Variants in UBE2E1 observed in about 807,000 individuals in gnomAD.
UBE2E1 encodes ubiquitin conjugating enzyme E2 E1.
Under a neutral mutation model 21.4 loss-of-function variants are expected in UBE2E1, and 6 were observed. The observed-to-expected ratio is 0.28, with a 90% CI of 0.15 to 0.55. UBE2E1 has a LOEUF of 0.55. Ranked by LOEUF, UBE2E1 falls within the 20% of genes least tolerant of loss-of-function variation. The probability of loss-of-function intolerance (pLI) is 0.93; values close to 1 mark genes in which losing one functional copy is unlikely to be tolerated. For synonymous variants in UBE2E1, 87 were observed against 82.7 expected (o/e 1.05, Z -0.28); for missense variants, 142 against 236.5 (o/e 0.60, Z 2.62).
At chr3:23,890,423 A>T in intron 5 of UBE2E1, 86 bp from the exon 6 acceptor site, 1 of 1,268,966 alleles carries the variant, frequency 7.9e-7, no homozygotes. Context: ...ACTTTGTCGT[A>T]CGTATCTACC....
chr3:23,878,612 G>A (rs1223551008), intron 3 of UBE2E1, among the ~76,000 whole-genome samples: 1 of 152,204 alleles, frequency 6.6e-6, no homozygotes, highest in Non-Finnish European at 1.5e-5. Flanking sequence ...CCTCCTGTCA[G>A]CTCAGATCAG....
chr3:23,868,706 G>C (rs1700710293), intron 3 of UBE2E1, among the ~76,000 whole-genome samples: 1 of 151,414 alleles, frequency 6.6e-6, no homozygotes, highest in South Asian at 2.1e-4. Context: ...AAATTGGGAA[G>C]TAAACACAGT....
At chr3:23,822,849 C>T (rs1247053878) in intron 3 of UBE2E1, among the ~76,000 whole-genome samples, 7 of 146,616 alleles carry the variant, frequency 4.8e-5, no homozygotes, top group African/African-American at 1.3e-4. Flanking sequence ...CCCCAACCCC[C>T]GCCACCGCCC....
intron 5 of UBE2E1, 74 bp from the exon 6 acceptor site, chr3:23,890,435 A>C (rs1020561192): frequency 6.9e-7 from 1 of 1,440,200 alleles, no homozygotes; most frequent in African/African-American, 1.4e-5. Context: ...GTATCTACCC[A>C]AGCTGTCACT....
rs1332204614 is a variant in UBE2E1 at position 23,807,267 on chromosome 3, G to C, written c.-3G>C. 6.2e-7 allele frequency: 1 copy of C among 1,610,684 alleles called. No individual in the cohort carries two copies. The highest frequency in any genetic ancestry group is 1.1e-5 in the South Asian group (1 of 90,816). Reference sequence around the variant, plus strand: ...GTTTGCGGGGTGGGGTGGGGGGTTCGCTATGTCGGATGACGATTCGAGGGC... The same window carrying C: ...GTTTGCGGGGTGGGGTGGGGGGTTCCCTATGTCGGATGACGATTCGAGGGC... On this transcript the variant is annotated 5_prime_UTR_variant, in exon 2 of 6. Coordinates refer to ENST00000306627, the MANE Select transcript of UBE2E1 (RefSeq NM_003341.5).
chr3:23,881,782 T>A (rs558190070), intron 3 of UBE2E1, among the ~76,000 whole-genome samples: 1 of 152,200 alleles, frequency 6.6e-6, no homozygotes, highest in African/African-American at 2.4e-5. Context: ...TAACAGTTCT[T>A]AAAGATGGTG....
At chr3:23,882,868 G>A (rs901568481) in intron 3 of UBE2E1, among the ~76,000 whole-genome samples, 1 of 152,186 alleles carries the variant, frequency 6.6e-6, no homozygotes, top group East Asian at 1.9e-4. Context: ...CGGAACTCTC[G>A]CTGTTCCATG....
At chr3:23,883,162 G>T (rs1423450934) in intron 3 of UBE2E1, among the ~76,000 whole-genome samples, 1 of 152,178 alleles carries the variant, frequency 6.6e-6, no homozygotes, top group Non-Finnish European at 1.5e-5. Flanking sequence ...TAATCATTTG[G>T]ATTAATAATT....
chr3:23,889,219 C>A lies in UBE2E1; in HGVS notation c.444C>A (p.Val148=). 6.2e-7 allele frequency: 1 copy of A among 1,613,744 alleles called. No individual in the cohort carries two copies. The highest frequency in any genetic ancestry group is 8.5e-7 in the Non-Finnish European group (1 of 1,179,954). Residue 148 remains valine (V), a synonymous_variant, in exon 5 of 6, where the codon GTC becomes GTA. Transcript: ENST00000306627. ...GTCCAGCACTAACCATTTCTAAAGT[C>A]CTCCTTTCTATCTGCTCACTTCTTA... The part of the protein sequence containing the change: ...NWSPALTISK[V]LLSICSLLTD...
intron 3 of UBE2E1, among the ~76,000 whole-genome samples, chr3:23,882,370 T>C (rs1409661933): frequency 2.6e-5 from 4 of 152,234 alleles, no homozygotes; most frequent in Non-Finnish European, 5.9e-5. Flanking sequence ...TACAAACCTT[T>C]AGCTAGACAC....
At chr3:23,848,663 C>T (rs1368042260) in intron 3 of UBE2E1, among the ~76,000 whole-genome samples, 3 of 152,022 alleles carry the variant, frequency 2.0e-5, no homozygotes, top group Non-Finnish European at 4.4e-5. Context: ...ACTACCCTGA[C>T]AGTTCAGATA....
rs944261891 is a variant in UBE2E1 at position 23,852,507 on chromosome 3, T to C, written c.204-35060T>C. The stretch of plus-strand genomic sequence containing the variant: ...TTGTTTATTGGTCCTAAGAGCTTTT[T>C]AGTGGATTTGAGTTTTCTCTCTACA... On this transcript the variant is annotated intron_variant, in intron 3 of 5. Coordinates refer to ENST00000306627, the MANE Select transcript of UBE2E1 (RefSeq NM_003341.5). Among the ~76,000 whole-genome samples, 5 of 152,258 alleles carry C rather than the reference T, an allele frequency of 3.3e-5. No homozygotes were observed. In the South Asian group the frequency reaches 1.0e-3, roughly 31 times the overall value.
chr3:23,867,233 A>G (rs1443695460), intron 3 of UBE2E1, among the ~76,000 whole-genome samples: 1 of 152,196 alleles, frequency 6.6e-6, no homozygotes, highest in Non-Finnish European at 1.5e-5. Flanking sequence ...AAAGAAGTCA[A>G]AGTTTGTGAA....
intron 3 of UBE2E1, among the ~76,000 whole-genome samples, chr3:23,881,675 A>G (rs151093894): frequency 1.3e-3 from 195 of 152,366 alleles, no homozygotes; most frequent in African/African-American, 4.4e-3. Context: ...ATGCAAAATT[A>G]TGAAATGTAC....
intron 3 of UBE2E1, among the ~76,000 whole-genome samples, chr3:23,822,068 A>C (rs1412723559): frequency 6.6e-6 from 1 of 152,178 alleles, no homozygotes; most frequent in Non-Finnish European, 1.5e-5. Context: ...AAAGCCAGCA[A>C]AGGAGACAGA....
At chr3:23,831,518 C>CTT (rs11430039) in intron 3 of UBE2E1, among the ~76,000 whole-genome samples, 20,323 of 137,062 alleles carry the variant, frequency 0.15, 2,488 homozygotes, top group African/African-American at 0.31. Context: ...AAAATGAATA[C>CTT]TTTTTTTTTT....
chr3:23,807,016 C>G (rs1699291847), intron 1 of UBE2E1: 1 of 395,608 alleles, frequency 2.5e-6, no homozygotes, highest in Non-Finnish European at 4.5e-6. Flanking sequence ...CTCCTAGCTC[C>G]AGACCGTTTT....
rs561127840 is a variant in UBE2E1 at position 23,863,083 on chromosome 3, A to G, written c.204-24484A>G. 4.7e-5 allele frequency among the ~76,000 whole-genome samples: 7 copies of G among 149,036 alleles called. No homozygotes were observed. The highest frequency in any genetic ancestry group is 8.9e-5 in the Non-Finnish European group (6 of 67,370). ...AAAAAAAAAAAAAACTATTCCCAGCATTTTGCTCTCTAGTGGCAACTACTT... is the reference window on the plus strand; with the variant it reads ...AAAAAAAAAAAAAACTATTCCCAGCGTTTTGCTCTCTAGTGGCAACTACTT... On this transcript the variant is annotated intron_variant, in intron 3 of 5. Coordinates refer to ENST00000306627, the MANE Select transcript of UBE2E1 (RefSeq NM_003341.5). The surrounding 1 kb of genome is among the most constrained non-coding windows in gnomAD (Gnocchi z 4.3).
At chr3:23,843,160 C>T (rs1277324342) in intron 3 of UBE2E1, among the ~76,000 whole-genome samples, 4 of 151,746 alleles carry the variant, frequency 2.6e-5, no homozygotes, top group Non-Finnish European at 5.9e-5. Flanking sequence ...CATCTGTCCC[C>T]CCAGACTAAG....
Sources: gnomAD v4.1 joint callset for allele counts (sites outside exome capture counted in the v4.1 genomes callset) on GRCh38, gnomAD v4.1.1 for gene constraint, Gnocchi (gnomAD v3.1) non-coding constraint, MANE v1.5 for transcripts, NCBI Gene and HGNC (gene_info 2026-07-23, HGNC 2026-07-21) for gene names.